The following OTOG variants were observed in gnomAD, a reference collection of about 807,000 sequenced individuals.
OTOG encodes otogelin.
In OTOG, 296 loss-of-function variants were observed where a neutral mutation model predicts 313.8. That is an observed-to-expected ratio of 0.94 (90% CI 0.86 to 1.04). OTOG has a LOEUF of 1.04. OTOG is among the 50% of genes least tolerant of loss of function. The pLI, the probability that OTOG is intolerant of heterozygous loss-of-function variation, is 0.00. For missense variants in OTOG, 3,948 were observed against 3,840.1 expected (o/e 1.03, Z -0.74); for synonymous variants, 1,533 against 1,554.9 (o/e 0.99, Z 0.33).
intron 14 of OTOG, 141 bp downstream of exon 14, chr11:17,561,278 C>T (rs746295278): frequency 1.9e-6 from 2 of 1,030,298 alleles, no homozygotes; most frequent in Non-Finnish European, 2.9e-6. Flanking sequence ...CCTGTTTCCT[C>T]AGAATCACTT....
chr11:17,592,929 A>C (rs1180642328), intron 25 of OTOG, among the ~76,000 whole-genome samples: 5 of 152,224 alleles, frequency 3.3e-5, no homozygotes, highest in Non-Finnish European at 1.5e-5. Flanking sequence ...ATACCCTATC[A>C]ACACAATCAT....
At chr11:17,606,553 C>T (rs1853396749) in intron 33 of OTOG, among the ~76,000 whole-genome samples, 1 of 152,250 alleles carries the variant, frequency 6.6e-6, no homozygotes, top group Admixed American at 6.5e-5. Context: ...CAGCAACCTC[C>T]TCTCTCAATG....
rs876657550 is a variant in OTOG at position 17,558,565 on chromosome 11, C to T, written c.1024C>T (p.Leu342=). 3.2e-6 allele frequency: 5 copies of T among 1,550,554 alleles called. No homozygotes were observed. Among genetic ancestry groups the T allele is most frequent in the Non-Finnish European group, 4.4e-6 (5 of 1,147,000 alleles). The change falls in exon 10 of 56, where the codon CTG becomes TTG. Residue 342 remains leucine, a synonymous_variant. Transcript: ENST00000399397. ...CGTGTACGAGCAGTGTGAGGCTCTACTGCGGCCCCCCTTTGACGCCTGCCA... is the reference window on the plus strand; with the variant it reads ...CGTGTACGAGCAGTGTGAGGCTCTATTGCGGCCCCCCTTTGACGCCTGCCA... ...QGVYEQCEAL[L]RPPFDACHAY... is the part of the protein sequence containing the mutation.
intron 23 of OTOG, among the ~76,000 whole-genome samples, chr11:17,581,196 G>A (rs12418244): frequency 7.2e-5 from 11 of 152,174 alleles, no homozygotes; most frequent in African/African-American, 1.9e-4. Context: ...AGGGGGCGTC[G>A]GGGGAGGGAG....
Position 17,619,843 on chromosome 11 carries a change from T to C in OTOG, c.6528+6142T>C, listed in dbSNP as rs546672870. Among the ~76,000 whole-genome samples the C allele has an allele frequency of 2.5e-4, 38 of 152,350 alleles. No homozygotes were observed. The South Asian group carries it at 7.3e-3, about 29-fold the overall frequency. On this transcript the variant is annotated intron_variant, in intron 39 of 55. Coordinates refer to ENST00000399397, the MANE Select transcript of OTOG (RefSeq NM_001292063.2). ...ACCACATATTTACCATTTTGTGCTT[T>C]TTATTCCTTTGTGTAAATCTAGATT... is the stretch of plus-strand genomic sequence containing the variant.
chr11:17,578,156 G>C, intron 22 of OTOG: 1 of 997,222 alleles, frequency 1.0e-6, no homozygotes, highest in Admixed American at 3.9e-5. Flanking sequence ...TGCAGAGATG[G>C]GTCCTGGTGG....
rs1346376017 is a variant in OTOG at position 17,610,909 on chromosome 11, C to T, written c.5609C>T (p.Ala1870Val). The T allele has an allele frequency of 7.1e-6, 11 of 1,550,488 alleles. No individual in the cohort carries two copies. The highest frequency in any genetic ancestry group is 2.4e-5 in the South Asian group (2 of 84,058). The change falls in exon 36 of 56, where the codon GCA (alanine) becomes GTA (valine). Residue 1870 changes from alanine (A) to valine (V), a missense_variant. Transcript: ENST00000399397. Reference protein sequence around the residue: ...HPPTHIAPPAAGTAPGLLLGA... With the variant: ...HPPTHIAPPAVGTAPGLLLGA... The stretch of plus-strand genomic sequence containing the variant: ...CCCACTCACATAGCACCCCCAGCAG[C>T]AGGCACAGCTCCAGGCCTGCTGCTG...
chr11:17,555,678 G>A, intron 6 of OTOG, 101 bp from the exon 7 acceptor site: 3 of 894,540 alleles, frequency 3.4e-6, no homozygotes, highest in East Asian at 2.7e-5. Flanking sequence ...TTGGTATGCA[G>A]GGGACAGCCA....
chr11:17,597,081 A>G (rs1039215940), intron 30 of OTOG, 74 bp downstream of exon 30: 1 of 1,500,502 alleles, frequency 6.7e-7, no homozygotes, highest in African/African-American at 1.4e-5. Flanking sequence ...GGGTACTGGC[A>G]GTCTGTCTAG....
At position 17,634,234 on chromosome 11, in the gene OTOG, C is replaced by G. The variant is rs1247752345; in HGVS notation, c.7433C>G (p.Ala2478Gly). Residue 2478 changes from alanine to glycine, a missense_variant, in exon 44 of 56, where the codon GCC (alanine) becomes GGC (glycine). Physicochemically the swap from Ala to Gly is moderately conservative, Grantham distance 60. Transcript: ENST00000399397. ...AGCTGCCTGCGATTCGGGGAGGTGG[C>G]CTTGCTCCTACCCACCAAGGACCCC... The part of the protein sequence containing the change: ...PESCLRFGEV[A>G]LLLPTKDPCC... 3 of 1,550,408 alleles carry G rather than the reference C, an allele frequency of 1.9e-6. No homozygotes were observed. Among genetic ancestry groups the G allele is most frequent in the African/African-American group, 1.4e-5 (1 of 73,036 alleles).
chr11:17,570,539 T>A, intron 17 of OTOG, 149 bp downstream of exon 17: 2 of 769,916 alleles, frequency 2.6e-6, no homozygotes, highest in Non-Finnish European at 2.0e-6. Flanking sequence ...CATTTAAATT[T>A]AATTATGTTT....
In OTOG at chr11:17,557,334, G is replaced by C; in HGVS notation, c.865+11G>C. On this transcript the variant is annotated intron_variant, in intron 8 of 55. Transcript: ENST00000399397. ...TGGTGACCAGCTCTGGTGAGGGTCA[G>C]ACAGGTGGCCTCTGAGGGGTGTTGG... 2 of 1,549,958 alleles carry C rather than the reference G, an allele frequency of 1.3e-6. No homozygotes were observed. Among genetic ancestry groups the C allele is most frequent in the Non-Finnish European group, 1.7e-6 (2 of 1,146,674 alleles).
Position 17,584,205 on chromosome 11 carries a change from G to A in OTOG, c.2760-2269G>A, listed in dbSNP as rs80175043. On this transcript the variant is annotated intron_variant, in intron 23 of 55. Transcript: ENST00000399397. The stretch of plus-strand genomic sequence containing the variant: ...ATGAGTTCTAGTGGCTTTTCTTTGG[G>A]TAGATTCTTTAGAATTTCAGTAAGT... 3.1e-3 allele frequency among the ~76,000 whole-genome samples: 470 copies of A among 152,216 alleles called. 2 individuals carry two copies. The highest frequency in any genetic ancestry group is 0.011 in the African/African-American group (448 of 41,506).
rs963466460 is a variant in OTOG, at chr11:17,629,164, C to T, written c.6560C>T (p.Pro2187Leu). The change falls in exon 40 of 56, where the codon CCG (proline) becomes CTG (leucine). Residue 2187 changes from proline (P) to leucine (L), a missense_variant. By Grantham distance (98) the Pro-to-Leu change is moderately conservative. Coordinates refer to ENST00000399397, the MANE Select transcript of OTOG (RefSeq NM_001292063.2). ...GTGGACTTGCAGCCTGTGTGGCCAC[C>T]GGTGAGCAGGTATGGATTCAGAATT... ...VTVDLQPVWP[P>L]VSRYGFRIED... 1.4e-5 allele frequency: 22 copies of T among 1,550,342 alleles called. No individual in the cohort carries two copies. Among genetic ancestry groups the T allele is most frequent in the East Asian group, 4.9e-5 (2 of 40,924 alleles).
chr11:17,592,791 C>T (rs1852980959), intron 25 of OTOG, among the ~76,000 whole-genome samples: 1 of 152,084 alleles, frequency 6.6e-6, no homozygotes, highest in Non-Finnish European at 1.5e-5. Flanking sequence ...GGATGTATCC[C>T]CAGGTTCTTA....
intron 23 of OTOG, among the ~76,000 whole-genome samples, chr11:17,581,321 T>C (rs1194305861): frequency 6.6e-6 from 1 of 152,106 alleles, no homozygotes; most frequent in African/African-American, 2.4e-5. Flanking sequence ...AAAGGAGAGT[T>C]TCAAGAGAAA....
In OTOG at chr11:17,641,049, G is replaced by A. The variant is rs1295556175; in HGVS notation, c.8148G>A (p.Gln2716=). The A allele has an allele frequency of 7.7e-7, 1 of 1,306,258 alleles. No individual in the cohort carries two copies. Among genetic ancestry groups the A allele is most frequent in the African/African-American group, 1.6e-5 (1 of 63,376 alleles). 80.9% of individuals were successfully genotyped at this position (1,306,258 alleles called of 1,614,324 possible). Reference sequence around the variant, plus strand: ...TCGACCCTCTCACCAACTTCTACCAGATCAACACCACCTCCGTGCTCTGTG... The same window carrying A: ...TCGACCCTCTCACCAACTTCTACCAAATCAACACCACCTCCGTGCTCTGTG... The part of the protein sequence containing the change: ...TVLDPLTNFY[Q]INTTSVLCDI... The change falls in exon 51 of 56, where the codon CAG becomes CAA. Residue 2716 remains glutamine, a synonymous_variant. Transcript: ENST00000399397.
In OTOG at chr11:17,557,137, A is replaced by G; in HGVS notation, c.679A>G (p.Met227Val). 1.3e-6 allele frequency: 2 copies of G among 1,550,356 alleles called. No homozygotes were observed. Among genetic ancestry groups the G allele is most frequent in the Non-Finnish European group, 8.7e-7 (1 of 1,146,978 alleles). ...GGMRVQLPHVMGSARLQQLAG... is the reference protein window; with the variant it reads ...GGMRVQLPHVVGSARLQQLAG... ...CTGCAGGGTCCAACTGCCACATGTC[A>G]TGGGGAGCGCGCGTCTGCAGCAGCT... is the stretch of plus-strand genomic sequence containing the variant. Residue 227 changes from methionine to valine, a missense_variant, in exon 8 of 56, where the codon ATG becomes GTG. Transcript: ENST00000399397.
intron 1 of OTOG, chr11:17,547,668 C>A: frequency 9.9e-7 from 1 of 1,006,810 alleles, no homozygotes; most frequent in Non-Finnish European, 1.3e-6. Context: ...GGGAAAGAGT[C>A]CAAAGTTAGG....
Sources: gnomAD v4.1 joint callset for allele counts (sites outside exome capture counted in the v4.1 genomes callset) on GRCh38, gnomAD v4.1.1 for gene constraint, MANE v1.5 for transcripts, NCBI Gene and HGNC (gene_info 2026-07-23, HGNC 2026-07-21) for gene names.